PLCL2: variants seen among roughly 807,000 people sequenced by gnomAD.
PLCL2 encodes inactive phospholipase C-like protein 2.
In PLCL2, 4 loss-of-function variants were observed where a neutral mutation model predicts 79.6. The ratio of observed to expected loss-of-function variants is 0.05; its 90% CI spans 0.02 to 0.11. PLCL2 has a LOEUF of 0.11. Among genes scored for constraint, PLCL2 ranks in the 10% least tolerant of loss-of-function variants. The pLI, the probability that PLCL2 is intolerant of heterozygous loss-of-function variation, is 1.00. For synonymous variants in PLCL2, 484 were observed against 457.7 expected, an observed-to-expected ratio of 1.06 and a Z score of -0.73; for missense variants, 895 against 1,291.0, an observed-to-expected ratio of 0.69 and a Z score of 4.70.
intron 3 of PLCL2, among the ~76,000 whole-genome samples, chr3:17,023,002 G>T (rs1279381862): frequency 6.6e-6 from 1 of 152,136 alleles, no homozygotes; most frequent in Non-Finnish European, 1.5e-5. Context: ...TCACAAAGTG[G>T]CCAGTGGTTG....
At chr3:17,070,832 G>A (rs1332719483) in intron 5 of PLCL2, among the ~76,000 whole-genome samples, 1 of 152,102 alleles carries the variant, frequency 6.6e-6, no homozygotes. Context: ...GCTCCCAGTA[G>A]CACAAATGCT....
In PLCL2 at chr3:17,011,268, A is replaced by G; in HGVS notation, c.1922A>G (p.Lys641Arg). The G allele has an allele frequency of 1.2e-6, 2 of 1,614,234 alleles. No homozygotes were observed. Among genetic ancestry groups the G allele is most frequent in the East Asian group, 2.2e-5 (1 of 44,886 alleles). ...KEFQVSFQVQ[K>R]YWEVCSFNEV... ...TTTCAGGTGTCGTTTCAGGTTCAGA[A>G]GTACTGGGAAGTCTGTTCCTTTAAT... Residue 641 changes from lysine (K) to arginine (R), a missense_variant, in exon 2 of 6, where the codon AAG becomes AGG. Around this residue, in one of 6 missense-constraint regions of PLCL2, gnomAD observed 242 missense variants for 399.5 expected, o/e 0.61. Coordinates refer to ENST00000615277, the MANE Select transcript of PLCL2 (RefSeq NM_001144382.2). This position sits in a 1 kb window ranked among gnomAD's most constrained non-coding sequence, Gnocchi z 7.9.
intron 4 of PLCL2, among the ~76,000 whole-genome samples, chr3:17,062,567 G>C (rs1455038922): frequency 6.6e-6 from 1 of 152,146 alleles, no homozygotes; most frequent in Admixed American, 6.5e-5. Context: ...GATGGATGAA[G>C]CCATACTTTA....
chr3:16,931,271 G>C (rs892115043), intron 1 of PLCL2, among the ~76,000 whole-genome samples: 3 of 151,944 alleles, frequency 2.0e-5, no homozygotes, highest in African/African-American at 7.3e-5. Context: ...ATTGTACTTA[G>C]ATCCGTGTCT....
At chr3:16,968,702 C>T (rs1156668614) in intron 1 of PLCL2, among the ~76,000 whole-genome samples, 6 of 152,012 alleles carry the variant, frequency 3.9e-5, no homozygotes, top group East Asian at 1.9e-4. Flanking sequence ...GGTATAGAAT[C>T]GTATGTCTGC....
chr3:17,073,068 C>T (rs1485448465), intron 5 of PLCL2, among the ~76,000 whole-genome samples: 1 of 152,178 alleles, frequency 6.6e-6, no homozygotes, highest in Non-Finnish European at 1.5e-5. Context: ...TGAAACCTCC[C>T]TCCATTAGAT....
chr3:17,025,246 A>C (rs1481906353), intron 3 of PLCL2, among the ~76,000 whole-genome samples: 1 of 152,202 alleles, frequency 6.6e-6, no homozygotes, highest in Non-Finnish European at 1.5e-5. Context: ...TGGCTCTATA[A>C]ATGCAAGATC....
intron 1 of PLCL2, among the ~76,000 whole-genome samples, chr3:16,918,758 G>A (rs780590112): frequency 2.0e-5 from 3 of 152,284 alleles, no homozygotes; most frequent in African/African-American, 7.2e-5. Flanking sequence ...TCTATAAAGG[G>A]CTGAAACCTC....
intron 3 of PLCL2, among the ~76,000 whole-genome samples, chr3:17,017,471 C>A (rs1483761132): frequency 1.3e-5 from 2 of 151,926 alleles, no homozygotes; most frequent in Non-Finnish European, 2.9e-5. Flanking sequence ...TACCTTGTGA[C>A]AATTTATTAA....
chr3:16,900,090 C>T (rs1696583317), intron 1 of PLCL2, among the ~76,000 whole-genome samples: 1 of 152,136 alleles, frequency 6.6e-6, no homozygotes, highest in South Asian at 2.1e-4. Flanking sequence ...GTGGGTTGGG[C>T]ACGATTGTTT....
At chr3:16,921,221 G>T (rs1697118348) in intron 1 of PLCL2, among the ~76,000 whole-genome samples, 1 of 152,160 alleles carries the variant, frequency 6.6e-6, no homozygotes. Context: ...TTTTAAAATG[G>T]ACTGTTCCAG....
chr3:16,915,793 T>C (rs975437711), intron 1 of PLCL2, among the ~76,000 whole-genome samples: 9 of 152,182 alleles, frequency 5.9e-5, no homozygotes, highest in Admixed American at 3.9e-4. Flanking sequence ...AGGACAATGC[T>C]TCTGCTTTGC....
intron 5 of PLCL2, among the ~76,000 whole-genome samples, chr3:17,075,772 G>A (rs547213579): frequency 6.6e-6 from 1 of 152,194 alleles, no homozygotes; most frequent in South Asian, 2.1e-4. Context: ...GGAATTACAT[G>A]GCATACAGTC....
intron 1 of PLCL2, among the ~76,000 whole-genome samples, chr3:17,003,663 C>T (rs2064231897): frequency 6.6e-6 from 1 of 152,184 alleles, no homozygotes; most frequent in Non-Finnish European, 1.5e-5. Flanking sequence ...ACCTGCCCTG[C>T]TCCCTGTGGC....
At position 17,042,936 on chromosome 3, in the gene PLCL2, T is replaced by C. The variant is rs2064740633; in HGVS notation, c.3081T>C (p.His1027=). 3 of 1,609,156 alleles carry C rather than the reference T, an allele frequency of 1.9e-6. No individual in the cohort carries two copies. Among genetic ancestry groups the C allele is most frequent in the African/African-American group, 1.3e-5 (1 of 74,770 alleles). ...NADAVYEKIV[H]CQKAAMEFHE... ...ATGCTGTATATGAAAAGATCGTACA[T>C]TGTCAGAAGGCAGGTAAGTGAAAGT... is the stretch of plus-strand genomic sequence containing the variant. The change falls in exon 4 of 6, where the codon CAT becomes CAC. Residue 1027 remains histidine (H), a synonymous_variant. Transcript: ENST00000615277.
intron 1 of PLCL2, among the ~76,000 whole-genome samples, chr3:16,935,516 G>A (rs1462680755): frequency 6.6e-6 from 1 of 151,866 alleles, no homozygotes; most frequent in Non-Finnish European, 1.5e-5. Flanking sequence ...TTTTACCTTC[G>A]GGTCTTTAAT....
chr3:16,976,320 A>G lies in PLCL2; in HGVS notation c.328-33354A>G, dbSNP rs76616215. ...GCTGGCATCTCCAAAATCTGTAGGGAAAGTTGGCAACAGCCTAGAGATTCA... is the reference window on the plus strand; with the variant it reads ...GCTGGCATCTCCAAAATCTGTAGGGGAAGTTGGCAACAGCCTAGAGATTCA... On this transcript the variant is annotated intron_variant, in intron 1 of 5. Transcript: ENST00000615277. Among the ~76,000 whole-genome samples, 12 of 152,276 alleles carry G rather than the reference A, an allele frequency of 7.9e-5. No individual in the cohort carries two copies. The East Asian group carries it at 2.1e-3, about 27-fold the overall frequency.
chr3:17,026,213 A>G (rs1165045825), intron 3 of PLCL2, among the ~76,000 whole-genome samples: 1 of 152,212 alleles, frequency 6.6e-6, no homozygotes, highest in Non-Finnish European at 1.5e-5. Context: ...TAGGGCATTT[A>G]AAATTCTGAG....
intron 4 of PLCL2, among the ~76,000 whole-genome samples, chr3:17,064,784 C>T (rs1210858410): frequency 6.6e-6 from 1 of 151,840 alleles, no homozygotes; most frequent in African/African-American, 2.4e-5. Context: ...CAAAAATTAG[C>T]CACGTGTGGT....
Sources: gnomAD v4.1 joint callset for allele counts (sites outside exome capture counted in the v4.1 genomes callset) on GRCh38, gnomAD v4.1.1 for gene constraint, gnomAD v4.1.1 regional missense constraint, Gnocchi (gnomAD v3.1) non-coding constraint, MANE v1.5 for transcripts, NCBI Gene and HGNC (gene_info 2026-07-23, HGNC 2026-07-21) for gene names.